The following EXOSC10 variants were observed in gnomAD, a reference collection of about 807,000 sequenced individuals.
The protein encoded by EXOSC10 is exosome component 10.
EXOSC10 carries 94 observed loss-of-function variants against 126.6 expected under a neutral mutation model. The ratio of observed to expected loss-of-function variants is 0.74; its 90% CI spans 0.63 to 0.88. EXOSC10 has a LOEUF of 0.88. Among genes scored for constraint, EXOSC10 ranks in the 40% least tolerant of loss-of-function variants. EXOSC10 has a pLI of 0.00. For synonymous variants in EXOSC10, 395 were observed against 400.8 expected (o/e 0.99, Z 0.17); for missense variants, 1,041 against 1,100.5 (o/e 0.95, Z 0.77).
At chr1:11,094,076 G>T (rs192313967) in intron 3 of EXOSC10, among the ~76,000 whole-genome samples, 69 of 152,128 alleles carry the variant, frequency 4.5e-4, no homozygotes, top group African/African-American at 1.6e-3. Flanking sequence ...CAAGACTTCA[G>T]TATCCAAAAA....
At chr1:11,089,764 GAC>G (rs1166029953) in intron 6 of EXOSC10, among the ~76,000 whole-genome samples, 1 of 151,960 alleles carries the variant, frequency 6.6e-6, no homozygotes, top group African/African-American at 2.4e-5. Flanking sequence ...AGAAATTCAA[GAC>G]CAGACTGGGC....
intron 14 of EXOSC10, among the ~76,000 whole-genome samples, chr1:11,079,396 C>A (rs1474703812): frequency 1.5e-5 from 2 of 131,578 alleles, no homozygotes; most frequent in Admixed American, 7.7e-5. Context: ...AGTAGAAAAT[C>A]TTTTTTTTTT....
chr1:11,099,760 C>T lies in EXOSC10; in HGVS notation c.72G>A (p.Met24Ile), dbSNP rs1557725970. 5 of 1,612,280 alleles carry T rather than the reference C, an allele frequency of 3.1e-6. No homozygotes were observed. The highest frequency in any genetic ancestry group is 3.3e-4 in the Middle Eastern group (2 of 6,052). The change falls in exon 1 of 25, where the codon ATG becomes ATA. Residue 24 changes from methionine (M) to isoleucine (I), a missense_variant. Met to Ile is a conservative substitution (Grantham distance 10). Transcript: ENST00000376936. ...ATSATKSDGE[M>I]VLPGFPDADS... ...CGGCGTCCGGGAAGCCTGGCAGCAC[C>T]ATCTCTCCGTCGGATTTGGTTGCGC...
In EXOSC10 at chr1:11,099,843, G is replaced by C. The variant is rs773412077; in HGVS notation, c.-12C>G. 2 of 1,592,470 alleles carry C rather than the reference G, an allele frequency of 1.3e-6. No homozygotes were observed. Among genetic ancestry groups the C allele is most frequent in the Non-Finnish European group, 1.7e-6 (2 of 1,168,736 alleles). ...CTGGGTGGCGCCATTTTTTCAGCCT[G>C]CACGGCTCGTCTCGCGAGAGCTTGT... is the stretch of plus-strand genomic sequence containing the variant. On this transcript the variant is annotated 5_prime_UTR_variant, in exon 1 of 25. Transcript: ENST00000376936.
intron 9 of EXOSC10, among the ~76,000 whole-genome samples, chr1:11,087,094 T>C (rs1426460826): frequency 6.6e-6 from 1 of 152,254 alleles, no homozygotes; most frequent in African/African-American, 2.4e-5. Context: ...CACAGCTTTC[T>C]ACACTCCTGA....
rs201211568 is a variant in EXOSC10, at chr1:11,091,073, T to C, written c.584A>G (p.Asn195Ser). 31 of 1,614,198 alleles carry C rather than the reference T, an allele frequency of 1.9e-5. No individual in the cohort carries two copies. The African/African-American group carries it at 3.7e-4, about 19-fold the overall frequency. The change falls in exon 5 of 25, where the codon AAC (asparagine) becomes AGC (serine). Residue 195 changes from asparagine (N) to serine (S), a missense_variant. Asn to Ser is a conservative substitution (Grantham distance 46). Around this residue, in one of 3 missense-constraint regions of EXOSC10, gnomAD observed 645 missense variants for 656.3 expected, o/e 0.98. Coordinates refer to ENST00000376936, the MANE Select transcript of EXOSC10 (RefSeq NM_001001998.3). ...LKFREKIDNSNTPFLPKIFIK... is the reference protein window; with the variant it reads ...LKFREKIDNSSTPFLPKIFIK... ...GAAGATTTTAGGAAGAAATGGTGTG[T>C]TGGAATTGTCAATCTTCTCTCGAAA...
At chr1:11,084,461 T>A (rs1315470439) in intron 9 of EXOSC10, among the ~76,000 whole-genome samples, 2 of 152,226 alleles carry the variant, frequency 1.3e-5, no homozygotes, top group African/African-American at 4.8e-5. Flanking sequence ...CTTCACCCAC[T>A]TTTTGATGGG....
At chr1:11,076,785 A>T (rs1639839397) in intron 17 of EXOSC10, 57 bp downstream of exon 17, 12 of 1,310,286 alleles carry the variant, frequency 9.2e-6, no homozygotes, top group Non-Finnish European at 1.2e-5. Context: ...CTGCTGAATA[A>T]ATCCAGTAAA....
Position 11,066,757 on chromosome 1 carries a change from A to T in EXOSC10, c.2628-9T>A. On this transcript the variant is annotated splice_polypyrimidine_tract_variant and intron_variant, in intron 24 of 24. Coordinates refer to ENST00000376936, the MANE Select transcript of EXOSC10 (RefSeq NM_001001998.3). ...AGTTGTACCTGAAGCCTCTGCAGAG[A>T]GTACAAAAACAACAGTTATTTCTTC... 1 of 1,614,098 alleles carries T rather than the reference A, an allele frequency of 6.2e-7. No individual in the cohort carries two copies. The highest frequency in any genetic ancestry group is 8.5e-7 in the Non-Finnish European group (1 of 1,179,946).
At chr1:11,081,644 G>A (rs1640173281) in intron 10 of EXOSC10, among the ~76,000 whole-genome samples, 1 of 152,248 alleles carries the variant, frequency 6.6e-6, no homozygotes, top group African/African-American at 2.4e-5. Context: ...GGACTACACA[G>A]GACCACATCC....
rs367762503 is a variant in EXOSC10 at position 11,087,953 on chromosome 1, T to G, written c.835-43A>C. 2.9e-5 allele frequency: 40 copies of G among 1,365,548 alleles called. No individual in the cohort carries two copies. In the African/African-American group the frequency reaches 4.3e-4, roughly 15 times the overall value. The allele number at this position is 1,365,548 out of a possible 1,614,324, so 84.6% of individuals were successfully genotyped here. ...TAAGAAAAAGGGAGGAATATAGAAA[T>G]CATCCCCCAGTAAAGTACAAAGTGA... On this transcript the variant is annotated intron_variant, in intron 7 of 24. Coordinates refer to ENST00000376936, the MANE Select transcript of EXOSC10 (RefSeq NM_001001998.3).
chr1:11,096,025 C>G (rs1218291149), intron 2 of EXOSC10, 144 bp from the exon 3 acceptor site: 9 of 910,578 alleles, frequency 9.9e-6, no homozygotes, highest in Non-Finnish European at 1.4e-5. Context: ...GCTCTGTTGC[C>G]CAGGCTGGAG....
Position 11,087,927 on chromosome 1 carries a change from G to GT in EXOSC10, c.835-18dup. 1 of 1,478,576 alleles carries GT rather than the reference G, an allele frequency of 6.8e-7. No individual in the cohort carries two copies. Among genetic ancestry groups the GT allele is most frequent in the Non-Finnish European group, 9.4e-7 (1 of 1,065,054 alleles). 91.6% of individuals were successfully genotyped at this position (1,478,576 alleles called of 1,614,324 possible). ...TCTGTATAACTGGATCAAGAGAATA[G>GT]TAAGAAAAAGGGAGGAATATAGAAA... On this transcript the variant is annotated splice_polypyrimidine_tract_variant and intron_variant, in intron 7 of 24. Coordinates refer to ENST00000376936, the MANE Select transcript of EXOSC10 (RefSeq NM_001001998.3).
chr1:11,092,521 C>CTT (rs201402155), intron 3 of EXOSC10, among the ~76,000 whole-genome samples: 2 of 138,302 alleles, frequency 1.4e-5, no homozygotes, highest in Non-Finnish European at 3.2e-5. Context: ...CCCTGTTTTT[C>CTT]TTTTTTTTTT....
At chr1:11,087,336 CATG>C in intron 9 of EXOSC10, 109 bp downstream of exon 9, 1 of 1,292,794 alleles carries the variant, frequency 7.7e-7, no homozygotes, top group Non-Finnish European at 1.1e-6. Flanking sequence ...TAGGAAATGA[CATG>C]ATTCCTCCCA....
chr1:11,087,949 G>GA (rs1351832603), intron 7 of EXOSC10, 39 bp from the exon 8 acceptor site: 1 of 1,359,928 alleles, frequency 7.4e-7, no homozygotes, highest in Admixed American at 1.8e-5. Context: ...GAGGAATATA[G>GA]AAATCATCCC....
intron 17 of EXOSC10, 46 bp downstream of exon 17, chr1:11,076,796 T>C: frequency 7.1e-7 from 1 of 1,407,646 alleles, no homozygotes; most frequent in Non-Finnish European, 1.0e-6. Context: ...ATCCAGTAAA[T>C]CCCAGGGGGT....
Position 11,074,108 on chromosome 1 carries a change from G to A in EXOSC10, c.2083-100C>T, listed in dbSNP as rs142698692. The stretch of plus-strand genomic sequence containing the variant: ...GGGGGGTTGCTGGTGCCTTGTCAGC[G>A]TCTTTGCCAGGACACCAGGGCAGCC... On this transcript the variant is annotated intron_variant, in intron 18 of 24. Transcript: ENST00000376936. 1.6e-3 allele frequency: 2,233 copies of A among 1,387,306 alleles called. 23 individuals are homozygous for A. In the African/African-American group the frequency reaches 0.025, roughly 16 times the overall value. The allele number at this position is 1,387,306 out of a possible 1,614,324, so 85.9% of individuals were successfully genotyped here.
chr1:11,085,569 G>C (rs1640447474), intron 9 of EXOSC10, among the ~76,000 whole-genome samples: 2 of 152,322 alleles, frequency 1.3e-5, no homozygotes, highest in African/African-American at 4.8e-5. Context: ...TCTGCAAACA[G>C]GGACAATTTG....
Sources: allele counts gnomAD v4.1 joint callset (sites outside exome capture counted in the v4.1 genomes callset), GRCh38; gene constraint gnomAD v4.1.1; regional missense constraint gnomAD v4.1.1; transcripts MANE v1.5; gene names NCBI Gene and HGNC (gene_info 2026-07-23, HGNC 2026-07-21).